TRPC3: variants seen among roughly 807,000 people sequenced by gnomAD.
TRPC3 encodes short transient receptor potential channel 3.
A neutral mutation model predicts 90.9 loss-of-function variants in TRPC3; 54 were observed. That is an observed-to-expected ratio of 0.59 (90% CI 0.48 to 0.75). TRPC3 has a LOEUF of 0.75. Ranked by LOEUF, TRPC3 falls within the 30% of genes least tolerant of loss-of-function variation. TRPC3 has a pLI of 0.00. For synonymous variants in TRPC3, 424 were observed against 450.9 expected, an observed-to-expected ratio of 0.94 and a Z score of 0.75; for missense variants, 918 against 1,194.5, an observed-to-expected ratio of 0.77 and a Z score of 3.41.
intron 1 of TRPC3, among the ~76,000 whole-genome samples, chr4:121,942,891 T>C (rs1020576372): frequency 2.0e-5 from 3 of 152,196 alleles, no homozygotes; most frequent in Non-Finnish European, 4.4e-5. Context: ...AACGAACGTA[T>C]GTGCCCAAGA....
intron 10 of TRPC3, among the ~76,000 whole-genome samples, chr4:121,895,324 A>G (rs1221028818): frequency 1.3e-5 from 2 of 152,156 alleles, no homozygotes; most frequent in African/African-American, 2.4e-5. Flanking sequence ...CCAAATTGGT[A>G]GAAGAAATAA....
intron 5 of TRPC3, among the ~76,000 whole-genome samples, chr4:121,911,382 G>T (rs1365136785): frequency 1.3e-5 from 2 of 152,124 alleles, no homozygotes; most frequent in Non-Finnish European, 2.9e-5. Context: ...GACGAAATAG[G>T]TTGGTGCAAA....
At chr4:121,905,836 A>G (rs1385327898) in intron 7 of TRPC3, among the ~76,000 whole-genome samples, 1 of 152,120 alleles carries the variant, frequency 6.6e-6, no homozygotes, top group Non-Finnish European at 1.5e-5. Flanking sequence ...CTCTATTCCT[A>G]TAGAGTTACT....
intron 2 of TRPC3, among the ~76,000 whole-genome samples, chr4:121,931,522 T>A (rs1729928203): frequency 6.6e-6 from 1 of 150,520 alleles, no homozygotes; most frequent in Non-Finnish European, 1.5e-5. Context: ...TAATACTGCT[T>A]GATTGAAAAT....
chr4:121,900,515 C>T (rs1728664705), intron 9 of TRPC3, among the ~76,000 whole-genome samples: 1 of 152,168 alleles, frequency 6.6e-6, no homozygotes, highest in South Asian at 2.1e-4. Context: ...TTCATTTGTT[C>T]TCTTACAATT....
At chr4:121,885,105 C>A (rs892108119) in intron 10 of TRPC3, among the ~76,000 whole-genome samples, 1 of 152,182 alleles carries the variant, frequency 6.6e-6, no homozygotes, top group Non-Finnish European at 1.5e-5. Flanking sequence ...AGCCTCTGCA[C>A]AAGGCAAGAA....
chr4:121,924,861 C>G (rs1314377557), intron 3 of TRPC3, among the ~76,000 whole-genome samples, 157 bp downstream of exon 3: 2 of 152,176 alleles, frequency 1.3e-5, no homozygotes, highest in Non-Finnish European at 2.9e-5. Flanking sequence ...TCATGCCCAG[C>G]TAATTTTGTT....
chr4:121,903,118 T>G, intron 8 of TRPC3, 57 bp from the exon 9 acceptor site: 2 of 1,471,972 alleles, frequency 1.4e-6, no homozygotes, highest in Non-Finnish European at 1.8e-6. Flanking sequence ...TTCTAGTGAC[T>G]GTTGCTAATA....
chr4:121,949,964 T>C (rs550766415), intron 1 of TRPC3, among the ~76,000 whole-genome samples: 2 of 152,260 alleles, frequency 1.3e-5, no homozygotes, highest in East Asian at 3.9e-4. Flanking sequence ...AAAAGAAGAA[T>C]TTTAAAAGGA....
At chr4:121,919,905 C>T (rs567655041) in intron 3 of TRPC3, among the ~76,000 whole-genome samples, 2 of 152,246 alleles carry the variant, frequency 1.3e-5, no homozygotes, top group South Asian at 2.1e-4. Context: ...ATAGACATAG[C>T]TCACGGTGAA....
At chr4:121,945,576 C>CA (rs79747078) in intron 1 of TRPC3, among the ~76,000 whole-genome samples, 4 of 151,640 alleles carry the variant, frequency 2.6e-5, no homozygotes, top group Admixed American at 6.6e-5. Context: ...AAATTGAAAG[C>CA]AAAAAAAATT....
intron 1 of TRPC3, among the ~76,000 whole-genome samples, chr4:121,934,155 C>T (rs1730051536): frequency 6.6e-6 from 1 of 152,196 alleles, no homozygotes; most frequent in South Asian, 2.1e-4. Flanking sequence ...TTTGAGTTCA[C>T]ATCTTAATTT....
intron 10 of TRPC3, among the ~76,000 whole-genome samples, chr4:121,888,193 G>A (rs1324852539): frequency 6.6e-6 from 1 of 152,072 alleles, no homozygotes; most frequent in Non-Finnish European, 1.5e-5. Flanking sequence ...CTTCCGCTGT[G>A]GCCCCTTGGG....
intron 2 of TRPC3, among the ~76,000 whole-genome samples, chr4:121,928,036 T>C (rs182978891): frequency 1.7e-4 from 26 of 152,334 alleles, no homozygotes; most frequent in Admixed American, 4.6e-4. Flanking sequence ...TTCAGACTGT[T>C]CTGTAAGATT....
intron 1 of TRPC3, among the ~76,000 whole-genome samples, chr4:121,945,329 T>C (rs893115679): frequency 1.3e-5 from 2 of 152,218 alleles, no homozygotes; most frequent in African/African-American, 4.8e-5. Context: ...GCCTTTCTCA[T>C]CCCTTCTCCT....
At chr4:121,904,899 A>G (rs1728827809) in intron 7 of TRPC3, among the ~76,000 whole-genome samples, 2 of 152,160 alleles carry the variant, frequency 1.3e-5, no homozygotes, top group Non-Finnish European at 2.9e-5. Flanking sequence ...CAGGGTTGGG[A>G]TTAAAATTAT....
chr4:121,937,750 C>T (rs1730178588), intron 1 of TRPC3, among the ~76,000 whole-genome samples: 1 of 152,172 alleles, frequency 6.6e-6, no homozygotes, highest in African/African-American at 2.4e-5. Context: ...AAAATAAAAA[C>T]TGTATAACCC....
At chr4:121,890,149 C>T (rs1489568164) in intron 10 of TRPC3, among the ~76,000 whole-genome samples, 1 of 151,978 alleles carries the variant, frequency 6.6e-6, no homozygotes, top group African/African-American at 2.4e-5. Flanking sequence ...ATAGTGGCTA[C>T]CAGAAGTTGG....
chr4:121,894,381 G>A (rs1728437296), intron 10 of TRPC3, among the ~76,000 whole-genome samples: 2 of 151,874 alleles, frequency 1.3e-5, no homozygotes, highest in Non-Finnish European at 2.9e-5. Context: ...TCTAAAGGGA[G>A]AAATATATCC....
Sources: gnomAD v4.1 joint callset for allele counts (sites outside exome capture counted in the v4.1 genomes callset) on GRCh38, gnomAD v4.1.1 for gene constraint, MANE v1.5 for transcripts, NCBI Gene and HGNC (gene_info 2026-07-23, HGNC 2026-07-21) for gene names.